The following SLC39A11 variants were observed in gnomAD, a reference collection of about 807,000 sequenced individuals.
The protein encoded by SLC39A11 is zinc transporter ZIP11.
In SLC39A11, 33 loss-of-function variants were observed where a neutral mutation model predicts 36.1. The observed-to-expected ratio is 0.91, with a 90% confidence interval of 0.69 to 1.22. The LOEUF (loss-of-function observed/expected upper bound fraction) is 1.22. Ranked by LOEUF, SLC39A11 falls within the 50% of genes most tolerant of loss-of-function variation. The pLI is 0.00. For missense variants in SLC39A11, 432 were observed against 430.3 expected (o/e 1.00, Z -0.03); for synonymous variants, 166 against 170.3 (o/e 0.97, Z 0.20).
intron 4 of SLC39A11, among the ~76,000 whole-genome samples, chr17:73,003,953 G>A (rs909049866): frequency 2.0e-5 from 3 of 151,888 alleles, no homozygotes; most frequent in Non-Finnish European, 4.4e-5. Context: ...GGGCATGGTG[G>A]TGCATGCCTG....
chr17:73,002,776 T>C, intron 4 of SLC39A11, among the ~76,000 whole-genome samples: 1 of 152,204 alleles, frequency 6.6e-6, no homozygotes. Context: ...TCAGTATCAC[T>C]GTACTGAAAT....
intron 5 of SLC39A11, among the ~76,000 whole-genome samples, chr17:72,916,754 C>G (rs1249626242): frequency 6.6e-6 from 1 of 152,074 alleles, no homozygotes; most frequent in Non-Finnish European, 1.5e-5. Flanking sequence ...TCCTCTTTAC[C>G]AGGCAAGGAC....
chr17:73,081,640 C>T (rs1183508855), intron 3 of SLC39A11, among the ~76,000 whole-genome samples: 590 of 36,828 alleles, frequency 0.016, 2 homozygotes, highest in Middle Eastern at 0.059. Flanking sequence ...CATACACACA[C>T]ACACACACAC....
At position 72,731,539 on chromosome 17, in the gene SLC39A11, GTT is replaced by G. The variant is rs56302595; in HGVS notation, c.671+5109_671+5110del. On this transcript the variant is annotated intron_variant, in intron 7 of 9. Transcript: ENST00000255559. ...GCTTTCATTTGTGCAACCTTATGCA[GTT>G]TTTTTTTTTAAATAAACCTTTCATT... Among the ~76,000 whole-genome samples, 794 of 150,622 alleles carry G rather than the reference GTT, an allele frequency of 5.3e-3. 5 individuals carry two copies. The highest frequency in any genetic ancestry group is 0.015 in the South Asian group (72 of 4,740).
Position 72,947,865 on chromosome 17 carries a change from T to C in SLC39A11, c.317A>G (p.Glu106Gly), listed in dbSNP as rs752528595. The C allele has an allele frequency of 3.1e-6, 5 of 1,613,746 alleles. No homozygotes were observed. In the African/African-American group the frequency reaches 6.7e-5, roughly 22 times the overall value. ...CAGTGCCAGGGTCGTCTGGGGGTCT[T>C]CTGCTGCACCCTGAAACAAGAAGCG... is the stretch of plus-strand genomic sequence containing the variant. ...DLLMPHLGAA[E>G]DPQTTLALNF... Residue 106 changes from glutamate to glycine, a missense_variant, in exon 5 of 10, where the codon GAA becomes GGA. Glu to Gly is a moderately conservative substitution (Grantham distance 98). Transcript: ENST00000255559.
At chr17:72,808,003 C>T (rs2077316879) in intron 6 of SLC39A11, among the ~76,000 whole-genome samples, 1 of 151,720 alleles carries the variant, frequency 6.6e-6, no homozygotes, top group Non-Finnish European at 1.5e-5. Context: ...AATTGTAAGG[C>T]ACCAAATTGG....
chr17:72,960,903 A>G (rs1267025724), intron 4 of SLC39A11, among the ~76,000 whole-genome samples: 4 of 152,216 alleles, frequency 2.6e-5, no homozygotes, highest in Non-Finnish European at 5.9e-5. Context: ...TCTATTACCA[A>G]TCCTGGAAAA....
At chr17:73,088,030 C>T (rs752004085) in intron 2 of SLC39A11, among the ~76,000 whole-genome samples, 2 of 152,082 alleles carry the variant, frequency 1.3e-5, no homozygotes, top group African/African-American at 2.4e-5. Flanking sequence ...GCAGGCCAGG[C>T]ACGGTGGCTC....
In SLC39A11 at chr17:72,888,903, C is replaced by CA. The variant is rs1272999948; in HGVS notation, c.431-39100dup. On this transcript the variant is annotated intron_variant, in intron 5 of 9. Coordinates refer to ENST00000255559, the MANE Select transcript of SLC39A11 (RefSeq NM_139177.4). ...TGTGGTATAGCAAGACCCTGTCTCT[C>CA]AAAAAAAAAGAAAGAAAAGAAAAAA... Among the ~76,000 whole-genome samples, 8 of 146,616 alleles carry CA rather than the reference C, an allele frequency of 5.5e-5. No homozygotes were observed. The East Asian group carries it at 6.3e-4, about 11-fold the overall frequency.
intron 3 of SLC39A11, chr17:73,068,185 CG>C (rs2060053519): frequency 8.2e-7 from 1 of 1,214,566 alleles, no homozygotes; most frequent in East Asian, 2.3e-5. Flanking sequence ...CAGTGGAAGA[CG>C]GGGGCTCCAG....
intron 1 of SLC39A11, among the ~76,000 whole-genome samples, chr17:73,091,531 T>C (rs1485349722): frequency 6.6e-6 from 1 of 152,178 alleles, no homozygotes; most frequent in Non-Finnish European, 1.5e-5. Context: ...CTGCCCCATG[T>C]GGGATTGGCA....
chr17:72,669,917 T>C (rs978347231), intron 7 of SLC39A11, among the ~76,000 whole-genome samples: 1 of 150,200 alleles, frequency 6.7e-6, no homozygotes, highest in African/African-American at 2.5e-5. Context: ...TACGTATAGA[T>C]GTATATACAC....
At chr17:72,856,862 G>T (rs189792189) in intron 5 of SLC39A11, among the ~76,000 whole-genome samples, 1 of 152,068 alleles carries the variant, frequency 6.6e-6, no homozygotes, top group African/African-American at 2.4e-5. Flanking sequence ...TGTATTTTTA[G>T]TAGAGATGGG....
At chr17:72,754,785 T>C (rs1396507324) in intron 6 of SLC39A11, among the ~76,000 whole-genome samples, 1 of 152,184 alleles carries the variant, frequency 6.6e-6, no homozygotes, top group African/African-American at 2.4e-5. Context: ...AAGGAGTGTG[T>C]GCAGGTGTGG....
At chr17:72,917,060 G>A (rs1441612982) in intron 5 of SLC39A11, among the ~76,000 whole-genome samples, 1 of 152,222 alleles carries the variant, frequency 6.6e-6, no homozygotes, top group Non-Finnish European at 1.5e-5. Context: ...TCAGTGACCA[G>A]ATAGGAAGTG....
intron 4 of SLC39A11, among the ~76,000 whole-genome samples, chr17:72,971,336 A>ACACTCTCTCT (rs1555657685): frequency 1.4e-5 from 2 of 143,498 alleles, no homozygotes; most frequent in African/African-American, 5.1e-5. Context: ...ACACACACAC[A>ACACTCTCTCT]CTCTCTCTCT....
chr17:73,065,090 AATT>A (rs1233818756), intron 3 of SLC39A11, among the ~76,000 whole-genome samples: 1 of 152,010 alleles, frequency 6.6e-6, no homozygotes, highest in Non-Finnish European at 1.5e-5. Context: ...TGTGGAAGAG[AATT>A]ATTATTGGGT....
chr17:72,665,236 A>T (rs2070675846), intron 7 of SLC39A11, among the ~76,000 whole-genome samples: 1 of 151,994 alleles, frequency 6.6e-6, no homozygotes, highest in Non-Finnish European at 1.5e-5. Context: ...CCCAGTCAAG[A>T]CTTCAGGTGA....
chr17:72,990,216 C>T (rs2089067502), intron 4 of SLC39A11, among the ~76,000 whole-genome samples: 1 of 152,146 alleles, frequency 6.6e-6, no homozygotes, highest in Admixed American at 6.6e-5. Context: ...ATGGCTGCTA[C>T]AAATAAATTA....
Sources: gnomAD v4.1 joint callset for allele counts (sites outside exome capture counted in the v4.1 genomes callset) on GRCh38, gnomAD v4.1.1 for gene constraint, MANE v1.5 for transcripts, NCBI Gene and HGNC (gene_info 2026-07-23, HGNC 2026-07-21) for gene names.